Variants in DPYS observed in about 807,000 individuals in gnomAD.
DPYS encodes dihydropyrimidinase.
In DPYS, 39 loss-of-function variants were observed where a neutral mutation model predicts 50.3. That is an observed-to-expected ratio of 0.78 (90% CI 0.60 to 1.01). DPYS has a LOEUF of 1.01. DPYS is among the 50% of genes least tolerant of loss of function. The probability of loss-of-function intolerance (pLI) is 0.00; values close to 1 mark genes in which losing one functional copy is unlikely to be tolerated. For missense variants in DPYS, 659 were observed against 680.9 expected (o/e 0.97, Z 0.36); for synonymous variants, 245 against 250.7 (o/e 0.98, Z 0.22).
At chr8:104,399,597 C>T (rs921732637) in intron 7 of DPYS, among the ~76,000 whole-genome samples, 1 of 151,530 alleles carries the variant, frequency 6.6e-6, no homozygotes, top group Non-Finnish European at 1.5e-5. Flanking sequence ...CAGCTGCGTG[C>T]GGTTGCTCAC....
chr8:104,428,932 G>C (rs994967247), intron 5 of DPYS, among the ~76,000 whole-genome samples: 8 of 151,880 alleles, frequency 5.3e-5, no homozygotes, highest in Non-Finnish European at 1.0e-4. Context: ...CTGGGTTCAA[G>C]TGATTCTCGT....
intron 7 of DPYS, among the ~76,000 whole-genome samples, chr8:104,399,314 C>A (rs57717373): frequency 0.14 from 7,388 of 52,814 alleles, 543 homozygotes; most frequent in Middle Eastern, 0.18. Flanking sequence ...AAAAAAACAA[C>A]AACAAAAAAA....
chr8:104,394,808 A>C (rs1811523205), intron 7 of DPYS, among the ~76,000 whole-genome samples: 1 of 148,542 alleles, frequency 6.7e-6, no homozygotes, highest in Non-Finnish European at 1.5e-5. Flanking sequence ...GCCATGGAAA[A>C]GAGAAAGAGG....
At chr8:104,403,808 T>A (rs146297828) in intron 7 of DPYS, among the ~76,000 whole-genome samples, 70 of 152,252 alleles carry the variant, frequency 4.6e-4, no homozygotes, top group Non-Finnish European at 8.7e-4. Flanking sequence ...CAGACAACCA[T>A]GAAATCCAGA....
At chr8:104,462,246 A>G (rs1814197518) in intron 1 of DPYS, among the ~76,000 whole-genome samples, 1 of 152,218 alleles carries the variant, frequency 6.6e-6, no homozygotes, top group Non-Finnish European at 1.5e-5. Flanking sequence ...GCCTAAGGTC[A>G]CAAAATCAGC....
chr8:104,447,154 T>C (rs1441536470), intron 3 of DPYS, among the ~76,000 whole-genome samples, 170 bp downstream of exon 3: 1 of 152,080 alleles, frequency 6.6e-6, no homozygotes, highest in Non-Finnish European at 1.5e-5. Context: ...GGAAATGGAG[T>C]TGGGAGTTTC....
At chr8:104,457,050 T>C (rs1465460662) in intron 1 of DPYS, among the ~76,000 whole-genome samples, 2 of 152,202 alleles carry the variant, frequency 1.3e-5, no homozygotes, top group African/African-American at 4.8e-5. Flanking sequence ...TATGCTATGT[T>C]TTTTCCTATA....
At chr8:104,452,794 T>C (rs754047526) in intron 1 of DPYS, among the ~76,000 whole-genome samples, 13 of 152,164 alleles carry the variant, frequency 8.5e-5, no homozygotes, top group East Asian at 3.9e-4. Flanking sequence ...TGAGCTATGA[T>C]TGCACCACTG....
intron 1 of DPYS, among the ~76,000 whole-genome samples, chr8:104,462,303 A>G (rs936028649): frequency 6.6e-6 from 1 of 152,170 alleles, no homozygotes; most frequent in Admixed American, 6.5e-5. Flanking sequence ...AAGCAACAGA[A>G]AAGGGGATTT....
Position 104,451,412 on chromosome 8 carries a change from CAT to C in DPYS, c.265-10_265-9del. The C allele has an allele frequency of 6.2e-7, 1 of 1,614,014 alleles. No individual in the cohort carries two copies. The highest frequency in any genetic ancestry group is 8.5e-7 in the Non-Finnish European group (1 of 1,179,982). Reference sequence around the variant, plus strand: ...GCCTCCTGAGAGAGCAGCCTGGAATCATAAGAGGTTTTCAACAAATTAGCTAT... The same window carrying C: ...GCCTCCTGAGAGAGCAGCCTGGAATCAAGAGGTTTTCAACAAATTAGCTAT... On this transcript the variant is annotated splice_polypyrimidine_tract_variant and intron_variant, in intron 1 of 9. Coordinates refer to ENST00000351513, the MANE Select transcript of DPYS (RefSeq NM_001385.3).
chr8:104,396,725 A>T (rs777629468), intron 7 of DPYS, among the ~76,000 whole-genome samples: 3 of 151,720 alleles, frequency 2.0e-5, no homozygotes, highest in Non-Finnish European at 4.4e-5. Context: ...GATTCCAGGT[A>T]TCTTCAGTGT....
intron 7 of DPYS, among the ~76,000 whole-genome samples, chr8:104,407,895 T>A (rs1204787182): frequency 6.6e-6 from 1 of 152,116 alleles, no homozygotes; most frequent in East Asian, 1.9e-4. Flanking sequence ...AGACCACAAT[T>A]CCATAGCTCT....
intron 1 of DPYS, among the ~76,000 whole-genome samples, chr8:104,460,264 G>A (rs1173923964): frequency 6.6e-6 from 1 of 152,164 alleles, no homozygotes; most frequent in Non-Finnish European, 1.5e-5. Context: ...TGTTGGGGGA[G>A]TGACCATGTG....
In DPYS at chr8:104,466,750, C is replaced by A; in HGVS notation, c.171G>T (p.Lys57Asn). The change falls in exon 1 of 10, where the codon AAG (lysine) becomes AAT (asparagine). Residue 57 changes from lysine (K) to asparagine (N), a missense_variant. Coordinates refer to ENST00000351513, the MANE Select transcript of DPYS (RefSeq NM_001385.3). ...TGTCGATGCCTCCGGGCAGGACGAG[C>A]TTGCCGGCGGCGTCGAGGACCCGCA... ...AGLRVLDAAG[K>N]LVLPGGIDTH... The A allele has an allele frequency of 6.5e-7, 1 of 1,535,384 alleles. No homozygotes were observed. Among genetic ancestry groups the A allele is most frequent in the Non-Finnish European group, 8.7e-7 (1 of 1,145,786 alleles).
intron 2 of DPYS, among the ~76,000 whole-genome samples, chr8:104,451,029 AT>A (rs1813717645): frequency 6.6e-6 from 1 of 152,224 alleles, no homozygotes; most frequent in African/African-American, 2.4e-5. Flanking sequence ...GATTTATCCT[AT>A]TGTCTTTATA....
intron 4 of DPYS, among the ~76,000 whole-genome samples, chr8:104,432,501 T>G (rs1812989664): frequency 6.6e-6 from 1 of 152,308 alleles, no homozygotes; most frequent in Non-Finnish European, 1.5e-5. Context: ...CCCTGGCCAC[T>G]AAATAGGAGG....
At chr8:104,380,065 G>A (rs772705195) in intron 9 of DPYS, among the ~76,000 whole-genome samples, 1 of 151,972 alleles carries the variant, frequency 6.6e-6, no homozygotes, top group Non-Finnish European at 1.5e-5. Flanking sequence ...AATAATTCTG[G>A]TCGTCTGAAA....
At chr8:104,429,961 C>T (rs2140648972) in intron 4 of DPYS, among the ~76,000 whole-genome samples, 1 of 152,224 alleles carries the variant, frequency 6.6e-6, no homozygotes, top group East Asian at 1.9e-4. Context: ...CTAGAAAAAG[C>T]TGGCTGGTAC....
chr8:104,382,175 A>G (rs1811073870), intron 8 of DPYS, among the ~76,000 whole-genome samples: 7 of 152,142 alleles, frequency 4.6e-5, no homozygotes, highest in Admixed American at 4.6e-4. Context: ...ACAGCCCCAG[A>G]GAGTACACCA....
Sources: gnomAD v4.1 joint callset for allele counts (sites outside exome capture counted in the v4.1 genomes callset) on GRCh38, gnomAD v4.1.1 for gene constraint, MANE v1.5 for transcripts, NCBI Gene and HGNC (gene_info 2026-07-23, HGNC 2026-07-21) for gene names.